RAB1A: variants seen among roughly 807,000 people sequenced by gnomAD.
The protein encoded by RAB1A is RAB1A, member RAS oncogene family, also known as ras-related protein Rab-1A.
In RAB1A, 2 loss-of-function variants were observed where a neutral mutation model predicts 26.0. The ratio of observed to expected loss-of-function variants is 0.08; its 90% CI spans 0.03 to 0.24. RAB1A has a LOEUF of 0.24. RAB1A is among the 10% of genes least tolerant of loss of function. The pLI, the probability that RAB1A is intolerant of heterozygous loss-of-function variation, is 1.00. For synonymous variants in RAB1A, 84 were observed against 84.9 expected, an observed-to-expected ratio of 0.99 and a Z score of 0.06; for missense variants, 100 against 247.0, an observed-to-expected ratio of 0.40 and a Z score of 3.99.
At chr2:65,122,847 T>C (rs1669999488) in intron 1 of RAB1A, among the ~76,000 whole-genome samples, 1 of 151,622 alleles carries the variant, frequency 6.6e-6, no homozygotes, top group Non-Finnish European at 1.5e-5. Flanking sequence ...GGCGGGCACC[T>C]GTAGTCCCAG....
chr2:65,106,209 C>T (rs917457790), intron 1 of RAB1A, among the ~76,000 whole-genome samples: 1 of 152,278 alleles, frequency 6.6e-6, no homozygotes, highest in South Asian at 2.1e-4. Context: ...AACTCAGACA[C>T]CAGTTCTATG....
intron 1 of RAB1A, among the ~76,000 whole-genome samples, chr2:65,116,692 C>G (rs1363023411): frequency 6.6e-6 from 1 of 152,212 alleles, no homozygotes; most frequent in African/African-American, 2.4e-5. Flanking sequence ...GGCTTCTGTT[C>G]AGATTATCAG....
chr2:65,122,515 T>C (rs564303413), intron 1 of RAB1A, among the ~76,000 whole-genome samples: 5 of 152,224 alleles, frequency 3.3e-5, no homozygotes, highest in South Asian at 4.1e-4. Flanking sequence ...TAAGTTATGA[T>C]TGCATCACTG....
chr2:65,099,485 G>A (rs559290191), intron 2 of RAB1A, among the ~76,000 whole-genome samples: 29 of 152,288 alleles, frequency 1.9e-4, no homozygotes, highest in African/African-American at 4.6e-4. Context: ...GACCTTAATC[G>A]AATCAGGTCT....
intron 1 of RAB1A, among the ~76,000 whole-genome samples, chr2:65,111,180 G>A (rs969724727): frequency 9.2e-5 from 14 of 151,928 alleles, no homozygotes; most frequent in African/African-American, 1.9e-4. Context: ...TGGGCAACAC[G>A]GTGAAACTGC....
intron 1 of RAB1A, chr2:65,114,240 T>C (rs17029863): frequency 0.15 from 50,683 of 332,554 alleles, 4,267 homozygotes; most frequent in Middle Eastern, 0.22. Context: ...GAAAGCTGAT[T>C]GACATTAACC....
chr2:65,113,260 T>C (rs1331284205), intron 1 of RAB1A, among the ~76,000 whole-genome samples: 2 of 152,218 alleles, frequency 1.3e-5, no homozygotes, highest in Non-Finnish European at 2.9e-5. Flanking sequence ...GGTACATATA[T>C]GTACATTTAT....
chr2:65,090,459 C>T (rs978196456), intron 4 of RAB1A, among the ~76,000 whole-genome samples: 3 of 152,156 alleles, frequency 2.0e-5, no homozygotes, highest in Non-Finnish European at 2.9e-5. Context: ...TTCCCTCCAT[C>T]GCTCTGCCCT....
At chr2:65,125,198 T>C (rs1293089358) in intron 1 of RAB1A, among the ~76,000 whole-genome samples, 1 of 152,160 alleles carries the variant, frequency 6.6e-6, no homozygotes, top group Admixed American at 6.5e-5. Flanking sequence ...TTTAAACTTT[T>C]TCTGCATTAA....
chr2:65,089,702 ATTTT>A (rs58993413), intron 4 of RAB1A, among the ~76,000 whole-genome samples: 353 of 141,820 alleles, frequency 2.5e-3, no homozygotes, highest in Middle Eastern at 3.6e-3. Context: ...AATTTGATTA[ATTTT>A]TTTTTTTTTT....
At chr2:65,124,176 A>C (rs1670040149) in intron 1 of RAB1A, among the ~76,000 whole-genome samples, 1 of 152,248 alleles carries the variant, frequency 6.6e-6, no homozygotes, top group South Asian at 2.1e-4. Context: ...TAGTAGAGGC[A>C]GGGTTTCACC....
At position 65,119,841 on chromosome 2, in the gene RAB1A, CAAAA is replaced by C. The variant is rs1178958164; in HGVS notation, c.23+10048_23+10051del. 3.3e-3 allele frequency among the ~76,000 whole-genome samples: 119 copies of C among 36,400 alleles called. 3 individuals are homozygous for C. Among genetic ancestry groups the C allele is most frequent in the African/African-American group, 0.01 (102 of 10,130 alleles). 23.9% of individuals were successfully genotyped at this position (36,400 alleles called of 152,430 possible). The stretch of plus-strand genomic sequence containing the variant: ...GTAACATGGGGAGATCCTGTCTCTA[CAAAA>C]AAAAAAAAAAAAAAAAAAAAATTAA... On this transcript the variant is annotated intron_variant, in intron 1 of 5. Coordinates refer to ENST00000409784, the MANE Select transcript of RAB1A (RefSeq NM_004161.5).
At chr2:65,118,242 T>C (rs530823331) in intron 1 of RAB1A, among the ~76,000 whole-genome samples, 2 of 152,312 alleles carry the variant, frequency 1.3e-5, no homozygotes, top group South Asian at 4.1e-4. Context: ...TATAGGCCCC[T>C]TCCCCAAATC....
chr2:65,097,897 A>T, intron 3 of RAB1A, 74 bp downstream of exon 3: 1 of 804,740 alleles, frequency 1.2e-6, no homozygotes, highest in Non-Finnish European at 1.9e-6. Flanking sequence ...AGCATAGTAA[A>T]TATATACAAA....
intron 1 of RAB1A, among the ~76,000 whole-genome samples, chr2:65,126,008 A>G (rs1387962596): frequency 6.7e-6 from 1 of 150,236 alleles, no homozygotes; most frequent in Non-Finnish European, 1.5e-5. Context: ...AGTAGCTGGG[A>G]TTACAGGCGC....
At chr2:65,129,813 T>C in intron 1 of RAB1A, 80 bp downstream of exon 1, 1 of 1,550,546 alleles carries the variant, frequency 6.4e-7, no homozygotes, top group Non-Finnish European at 8.7e-7. Context: ...CCCCGACTTC[T>C]GCCCCAACCC....
chr2:65,116,026 G>A (rs974112519), intron 1 of RAB1A, among the ~76,000 whole-genome samples: 3 of 151,914 alleles, frequency 2.0e-5, no homozygotes, highest in Non-Finnish European at 4.4e-5. Flanking sequence ...CGTGGTGGTG[G>A]GCACCTCCAG....
intron 1 of RAB1A, among the ~76,000 whole-genome samples, chr2:65,117,439 C>A (rs917121138): frequency 6.6e-6 from 1 of 152,176 alleles, no homozygotes; most frequent in Admixed American, 6.6e-5. Flanking sequence ...CTTAAGCAAT[C>A]CTCCTGCCTC....
intron 2 of RAB1A, among the ~76,000 whole-genome samples, chr2:65,103,542 A>C (rs550351362): frequency 6.6e-6 from 1 of 152,172 alleles, no homozygotes; most frequent in Non-Finnish European, 1.5e-5. Flanking sequence ...AGCCAGCAGC[A>C]ATTTTACCCA....
Sources: gnomAD v4.1 joint callset for allele counts (sites outside exome capture counted in the v4.1 genomes callset) on GRCh38, gnomAD v4.1.1 for gene constraint, MANE v1.5 for transcripts, NCBI Gene and HGNC (gene_info 2026-07-23, HGNC 2026-07-21) for gene names.